CEP63: variants seen among roughly 807,000 people sequenced by gnomAD.
CEP63 encodes the protein centrosomal protein 63.
In CEP63, 84 loss-of-function variants were observed where a neutral mutation model predicts 89.1. The observed-to-expected ratio is 0.94, with a 90% confidence interval of 0.79 to 1.13. CEP63 has a LOEUF of 1.13. Among genes scored for constraint, CEP63 ranks in the 50% most tolerant of loss-of-function variants. The pLI, the probability that CEP63 is intolerant of heterozygous loss-of-function variation, is 0.00. For synonymous variants in CEP63, 267 were observed against 272.5 expected (o/e 0.98, Z 0.20); for missense variants, 838 against 813.3 (o/e 1.03, Z -0.37).
At chr3:134,678,059 A>C in the CEP63 span, among the ~76,000 whole-genome samples, 1 of 151,968 alleles carries the variant, frequency 6.6e-6, no homozygotes, top group African/African-American at 2.4e-5. Flanking sequence ...TTCAAGTGCA[A>C]GCCTTTGGCA....
At chr3:134,701,409 C>T in the CEP63 span, among the ~76,000 whole-genome samples, 1 of 17,018 alleles carries the variant, frequency 5.9e-5, no homozygotes, top group Non-Finnish European at 2.3e-4. Flanking sequence ...TATACATATA[C>T]ACACATATAT....
chr3:134,587,006 A>T lies in CEP63; in HGVS notation c.1207-452A>T, dbSNP rs554097589. On this transcript the variant is annotated intron_variant, in intron 10 of 10. Coordinates refer to the CEP63 transcript ENST00000683931. ...ATTGGCTATTGAAGGTTGTGCATGC[A>T]TCACGAAGTTCTCGTGCCATGGTTT... 4.6e-5 allele frequency among the ~76,000 whole-genome samples: 7 copies of T among 152,278 alleles called. No individual in the cohort carries two copies. The South Asian group carries it at 1.4e-3, about 32-fold the overall frequency.
At chr3:134,579,571 CAT>C (rs1958296157), downstream of CEP63, among the ~76,000 whole-genome samples, 1 of 152,160 alleles carries the variant, frequency 6.6e-6, no homozygotes, top group Non-Finnish European at 1.5e-5. Context: ...ATTAGCTATT[CAT>C]ATGTTTTCTT....
At chr3:134,545,853 G>A (rs1369808337) in intron 7 of CEP63, 34 bp downstream of exon 7, 11 of 1,439,846 alleles carry the variant, frequency 7.6e-6, no homozygotes, top group Non-Finnish European at 1.1e-5. Context: ...TGGGGGAAGT[G>A]TGTGTATGAG....
chr3:134,573,495 T>G (rs1191396320), intron 11 of CEP63, among the ~76,000 whole-genome samples: 1 of 152,238 alleles, frequency 6.6e-6, no homozygotes, highest in Non-Finnish European at 1.5e-5. Flanking sequence ...CAGCACCGTT[T>G]GTTGAATAGG....
At chr3:134,655,542 TACCC>T in the CEP63 span, among the ~76,000 whole-genome samples, 3 of 152,228 alleles carry the variant, frequency 2.0e-5, no homozygotes, top group Admixed American at 6.5e-5. Flanking sequence ...TAATGTGACC[TACCC>T]AAGGTCTCAC....
chr3:134,518,295 C>A (rs1446901873), intron 3 of CEP63, among the ~76,000 whole-genome samples: 1 of 152,150 alleles, frequency 6.6e-6, no homozygotes, highest in Non-Finnish European at 1.5e-5. Flanking sequence ...ACAAACTTAA[C>A]CTAGTTAATA....
the CEP63 span, chr3:134,620,798 A>C: frequency 6.2e-7 from 1 of 1,613,648 alleles, no homozygotes; most frequent in Non-Finnish European, 8.5e-7. Context: ...TTTCCAGGTC[A>C]GTGTGGGCCT....
intron 11 of CEP63, among the ~76,000 whole-genome samples, chr3:134,572,221 C>G (rs1188405083): frequency 6.6e-6 from 1 of 152,184 alleles, no homozygotes; most frequent in Non-Finnish European, 1.5e-5. Context: ...TAATGTCAGT[C>G]TTGACTCTAA....
chr3:134,554,928 GTTGT>G (rs1394694672), intron 12 of CEP63, among the ~76,000 whole-genome samples: 58 of 152,000 alleles, frequency 3.8e-4, no homozygotes, highest in African/African-American at 1.3e-3. Flanking sequence ...TTTTGATGGG[GTTGT>G]TTGTTTTTTT....
the CEP63 span, among the ~76,000 whole-genome samples, chr3:134,751,038 T>C: frequency 6.6e-6 from 1 of 152,232 alleles, no homozygotes; most frequent in Non-Finnish European, 1.5e-5. Context: ...CCATTAACTG[T>C]CTGAATAGAT....
At chr3:134,496,250 C>T (rs1417632175) in intron 2 of CEP63, among the ~76,000 whole-genome samples, 1 of 152,110 alleles carries the variant, frequency 6.6e-6, no homozygotes, top group African/African-American at 2.4e-5. Context: ...GAGGCATTTC[C>T]CCCTAGTACT....
the CEP63 span, among the ~76,000 whole-genome samples, chr3:134,778,924 G>T: frequency 1.3e-5 from 2 of 152,126 alleles, no homozygotes; most frequent in Non-Finnish European, 2.9e-5. Flanking sequence ...GTGGCTCCAT[G>T]GTTGTTACTC....
At chr3:134,726,509 G>T in the CEP63 span, among the ~76,000 whole-genome samples, 98 of 150,102 alleles carry the variant, frequency 6.5e-4, 1 homozygote, top group East Asian at 0.017. Context: ...CACACACAGA[G>T]CAAGAATGTA....
chr3:134,492,685 A>T (rs1201197467), intron 1 of CEP63, among the ~76,000 whole-genome samples: 3 of 151,836 alleles, frequency 2.0e-5, no homozygotes, highest in African/African-American at 4.8e-5. Flanking sequence ...CCTGGTGGCC[A>T]CAGTAGTGAT....
chr3:134,612,317 C>T, the CEP63 span, among the ~76,000 whole-genome samples: 3 of 152,176 alleles, frequency 2.0e-5, no homozygotes, highest in African/African-American at 7.2e-5. Context: ...CTGGCAAAGG[C>T]CATAAGCCAC....
chr3:134,524,438 G>A (rs1346779124), intron 3 of CEP63, among the ~76,000 whole-genome samples: 1 of 152,190 alleles, frequency 6.6e-6, no homozygotes, highest in Non-Finnish European at 1.5e-5. Context: ...TAGGAGTGGT[G>A]AGAGAGGGCA....
At chr3:134,772,488 A>ACCTCC in the CEP63 span, among the ~76,000 whole-genome samples, 6 of 147,714 alleles carry the variant, frequency 4.1e-5, no homozygotes, top group African/African-American at 1.5e-4. Flanking sequence ...TGATCTTCTC[A>ACCTCC]CCTCCCCTCC....
intron 3 of CEP63, among the ~76,000 whole-genome samples, chr3:134,514,346 G>A (rs1265664786): frequency 6.6e-6 from 1 of 151,986 alleles, no homozygotes. Flanking sequence ...CAACAAGAAA[G>A]TCTAATATAA....
Sources: gnomAD v4.1 joint callset for allele counts (sites outside exome capture counted in the v4.1 genomes callset) on GRCh38, gnomAD v4.1.1 for gene constraint, MANE v1.5 for transcripts, NCBI Gene and HGNC (gene_info 2026-07-23, HGNC 2026-07-21) for gene names.